Variants in EVI5 observed in about 807,000 individuals in gnomAD.
EVI5 encodes the protein ecotropic viral integration site 5 protein homolog.
In EVI5, 73 loss-of-function variants were observed where a neutral mutation model predicts 112.0. That is an observed-to-expected ratio of 0.65 (90% CI 0.54 to 0.79). The LOEUF (loss-of-function observed/expected upper bound fraction) is 0.79. Among genes scored for constraint, EVI5 ranks in the 30% least tolerant of loss-of-function variants. The pLI is 0.00. For missense variants in EVI5, 900 were observed against 968.8 expected (o/e 0.93, Z 0.94); for synonymous variants, 305 against 319.9 (o/e 0.95, Z 0.50).
chr1:92,730,683 C>CAAAAAA (rs1226099468), intron 2 of EVI5, among the ~76,000 whole-genome samples: 9 of 59,706 alleles, frequency 1.5e-4, no homozygotes, highest in African/African-American at 4.3e-4. Context: ...CCTTCTCTCA[C>CAAAAAA]AAAAAAAAAA....
intron 19 of EVI5, among the ~76,000 whole-genome samples, chr1:92,516,848 G>A (rs722356): frequency 0.58 from 87,194 of 150,800 alleles, 26,819 homozygotes; most frequent in East Asian, 0.92. Flanking sequence ...ACAAAAAGCA[G>A]GCAGACAATC....
At chr1:92,677,548 C>A (rs781241415) in intron 9 of EVI5, among the ~76,000 whole-genome samples, 1 of 152,182 alleles carries the variant, frequency 6.6e-6, no homozygotes, top group Admixed American at 6.5e-5. Context: ...AATTAAAACA[C>A]ACCTGTAGGT....
intron 13 of EVI5, among the ~76,000 whole-genome samples, chr1:92,640,066 C>T (rs1275724435): frequency 2.0e-5 from 3 of 152,132 alleles, no homozygotes; most frequent in Non-Finnish European, 4.4e-5. Context: ...CCATATGCAG[C>T]AAACTGAAAC....
At chr1:92,699,290 T>C (rs1490774913) in intron 5 of EVI5, among the ~76,000 whole-genome samples, 1 of 152,168 alleles carries the variant, frequency 6.6e-6, no homozygotes, top group East Asian at 1.9e-4. Context: ...ACTCTCATCC[T>C]AAATGATTTT....
At chr1:92,568,665 T>C (rs1669863838) in intron 18 of EVI5, among the ~76,000 whole-genome samples, 1 of 152,172 alleles carries the variant, frequency 6.6e-6, no homozygotes, top group South Asian at 2.1e-4. Flanking sequence ...TGGACTTTCG[T>C]CTGCCTCTGC....
chr1:92,666,101 T>C, intron 10 of EVI5, 109 bp from the exon 11 acceptor site: 1 of 663,110 alleles, frequency 1.5e-6, no homozygotes, highest in Non-Finnish European at 2.6e-6. Flanking sequence ...GAAAGGAGTC[T>C]AAGGAATGAT....
chr1:92,664,219 CAAAT>C (rs1456240212), intron 11 of EVI5, among the ~76,000 whole-genome samples: 2 of 151,994 alleles, frequency 1.3e-5, no homozygotes, highest in Non-Finnish European at 2.9e-5. Flanking sequence ...GAAAATATGA[CAAAT>C]AAAATTAATG....
At position 92,785,040 on chromosome 1, in the gene EVI5, G is replaced by C; in HGVS notation, c.-286C>G. On this transcript the variant is annotated 5_prime_UTR_variant, in exon 1 of 20. Transcript: ENST00000684568. ...TCCCGGCACCGCCGCTGTCGGAACTGCAGCCAGCCCCTTGCCAGCTGGCCA... is the reference window on the plus strand; with the variant it reads ...TCCCGGCACCGCCGCTGTCGGAACTCCAGCCAGCCCCTTGCCAGCTGGCCA... The C allele has an allele frequency of 2.0e-6, 2 of 985,662 alleles. No homozygotes were observed. Among genetic ancestry groups the C allele is most frequent in the Non-Finnish European group, 2.4e-6 (2 of 830,162 alleles). The allele number at this position is 985,662 out of a possible 1,614,324, so 61.1% of individuals were successfully genotyped here. A position where few individuals can be genotyped will look rare whatever the true frequency, so the allele number is the denominator to read the frequency against.
chr1:92,634,735 T>C (rs758792042), intron 14 of EVI5, among the ~76,000 whole-genome samples: 5 of 152,262 alleles, frequency 3.3e-5, no homozygotes, highest in Admixed American at 1.3e-4. Context: ...GCTGCGTTCC[T>C]TTAGAGGAGA....
chr1:92,589,358 T>A (rs772297486), intron 18 of EVI5, among the ~76,000 whole-genome samples: 3 of 152,154 alleles, frequency 2.0e-5, no homozygotes, highest in Non-Finnish European at 4.4e-5. Flanking sequence ...GGGAATTCCC[T>A]TTCCTAGCCA....
chr1:92,567,536 T>C (rs902025391), intron 18 of EVI5, among the ~76,000 whole-genome samples: 1 of 152,156 alleles, frequency 6.6e-6, no homozygotes, highest in Non-Finnish European at 1.5e-5. Context: ...CTTCTGACCA[T>C]TGTGTTACAA....
chr1:92,515,439 C>A (rs1406877316), intron 19 of EVI5, among the ~76,000 whole-genome samples: 1 of 152,192 alleles, frequency 6.6e-6, no homozygotes, highest in Non-Finnish European at 1.5e-5. Flanking sequence ...ATCAGCTCTG[C>A]CCTCAAGAGT....
At chr1:92,724,877 A>G (rs1445345526) in intron 2 of EVI5, among the ~76,000 whole-genome samples, 2 of 152,106 alleles carry the variant, frequency 1.3e-5, no homozygotes, top group African/African-American at 4.8e-5. Context: ...AATTCCTGAG[A>G]CTCGGGACAT....
chr1:92,783,972 A>C (rs1331065934), intron 1 of EVI5, among the ~76,000 whole-genome samples: 4 of 152,228 alleles, frequency 2.6e-5, no homozygotes. Flanking sequence ...TTCAGTAAGC[A>C]CTGGAATTCA....
At chr1:92,668,961 G>A (rs576297501) in intron 10 of EVI5, among the ~76,000 whole-genome samples, 10 of 152,118 alleles carry the variant, frequency 6.6e-5, no homozygotes, top group Non-Finnish European at 1.3e-4. Flanking sequence ...TTGAAGTTAG[G>A]CAGATTTAAG....
intron 14 of EVI5, among the ~76,000 whole-genome samples, chr1:92,629,665 TC>T (rs1656469966): frequency 6.6e-6 from 1 of 150,754 alleles, no homozygotes; most frequent in Non-Finnish European, 1.5e-5. Flanking sequence ...TCTTTTTTTT[TC>T]TTTTTTTCTT....
intron 18 of EVI5, among the ~76,000 whole-genome samples, chr1:92,566,803 CTT>C (rs57042163): frequency 3.1e-5 from 3 of 97,878 alleles, no homozygotes; most frequent in East Asian, 2.9e-4. Context: ...TGTGTGCCTG[CTT>C]TTTTTTTTTT....
At chr1:92,606,162 A>G (rs886459038) in intron 17 of EVI5, among the ~76,000 whole-genome samples, 1 of 152,220 alleles carries the variant, frequency 6.6e-6, no homozygotes, top group East Asian at 1.9e-4. Context: ...ATAAAATCCC[A>G]TATTAGTTCA....
intron 18 of EVI5, among the ~76,000 whole-genome samples, chr1:92,592,230 G>A (rs1006654386): frequency 2.0e-5 from 3 of 152,048 alleles, no homozygotes; most frequent in African/African-American, 4.8e-5. Flanking sequence ...GTGACAGAGC[G>A]AGACTCCGTC....
Sources: gnomAD v4.1 joint callset for allele counts (sites outside exome capture counted in the v4.1 genomes callset) on GRCh38, gnomAD v4.1.1 for gene constraint, MANE v1.5 for transcripts, NCBI Gene and HGNC (gene_info 2026-07-23, HGNC 2026-07-21) for gene names.